The following CFAP47 variants were observed in gnomAD, a reference collection of about 807,000 sequenced individuals.
The protein encoded by CFAP47 is cilia and flagella associated protein 47.
A neutral mutation model predicts 148.1 loss-of-function variants in CFAP47; 29 were observed. That is an observed-to-expected ratio of 0.20 (90% CI 0.15 to 0.27). CFAP47 has a LOEUF of 0.27. Ranked by LOEUF, CFAP47 falls within the 10% of genes least tolerant of loss-of-function variation. The probability of loss-of-function intolerance (pLI) is 1.00; values close to 1 mark genes in which losing one functional copy is unlikely to be tolerated. For synonymous variants in CFAP47, 664 were observed against 577.3 expected, an observed-to-expected ratio of 1.15 and a Z score of -2.15; for missense variants, 1,872 against 1,697.5, an observed-to-expected ratio of 1.10 and a Z score of -1.81.
intron 30 of CFAP47, 90 bp from the exon 31 acceptor site, chrX:36,098,703 G>T: frequency 2.3e-6 from 1 of 429,368 alleles, no homozygotes; most frequent in Non-Finnish European, 3.8e-6. Flanking sequence ...ATACAAATGT[G>T]ACTTGAAATA....
intron 63 of CFAP47, 71 bp from the exon 64 acceptor site, chrX:36,384,726 G>A (rs1942111327): frequency 1.3e-6 from 1 of 771,469 alleles, no homozygotes; most frequent in Non-Finnish European, 1.9e-6. Context: ...GTTAATTATA[G>A]TGAACTTTTC....
intron 25 of CFAP47, among the ~76,000 whole-genome samples, chrX:36,041,088 C>T (rs1396737052): frequency 9.0e-6 from 1 of 110,959 alleles, no homozygotes; most frequent in Admixed American, 9.6e-5. Context: ...CAAATAATAG[C>T]CTCTTAGACT....
intron 57 of CFAP47, among the ~76,000 whole-genome samples, chrX:36,336,236 GACACACAGACAC>G (rs1363487766): frequency 0.014 from 438 of 31,155 alleles, 2 homozygotes; most frequent in Middle Eastern, 0.026. Flanking sequence ...CTCTGTCACA[GACACACAGACAC>G]ACACACACAC....
chrX:36,114,004 G>A (rs989972416), intron 33 of CFAP47, among the ~76,000 whole-genome samples: 5 of 109,595 alleles, frequency 4.6e-5, no homozygotes, highest in African/African-American at 1.7e-4. Flanking sequence ...TAGAGATGGA[G>A]TTTCACCGCA....
chrX:36,190,283 G>A, intron 42 of CFAP47, 87 bp downstream of exon 42: 1 of 292,010 alleles, frequency 3.4e-6, no homozygotes, highest in Non-Finnish European at 6.0e-6. Context: ...GGCAACTGAA[G>A]ACTCTAGAAA....
chrX:36,036,669 T>C (rs763843198), intron 24 of CFAP47, among the ~76,000 whole-genome samples: 13 of 112,037 alleles, frequency 1.2e-4, no homozygotes, highest in Non-Finnish European at 2.4e-4. Context: ...ATTAGACTTA[T>C]AAAATACCCA....
intron 13 of CFAP47, among the ~76,000 whole-genome samples, chrX:35,974,442 T>C (rs759721404): frequency 1.8e-5 from 2 of 111,065 alleles, no homozygotes; most frequent in African/African-American, 3.3e-5. Flanking sequence ...GAGGGAGATG[T>C]GGACAAAGGA....
At chrX:35,978,820 A>T (rs946143809) in intron 15 of CFAP47, among the ~76,000 whole-genome samples, 38 of 111,811 alleles carry the variant, frequency 3.4e-4, no homozygotes, top group African/African-American at 1.2e-3. Flanking sequence ...AATACATTTA[A>T]TCATATGCCT....
intron 21 of CFAP47, among the ~76,000 whole-genome samples, chrX:36,013,607 C>G (rs1017227448): frequency 1.8e-5 from 2 of 110,972 alleles, no homozygotes; most frequent in Non-Finnish European, 3.8e-5. Context: ...GGTACAAAAA[C>G]ATAGTTAAAA....
chrX:36,130,368 A>T (rs1035379133), intron 33 of CFAP47, among the ~76,000 whole-genome samples: 1 of 111,654 alleles, frequency 9.0e-6, no homozygotes, highest in African/African-American at 3.2e-5. Flanking sequence ...TCAAAACTAC[A>T]GTGAGATATC....
intron 48 of CFAP47, among the ~76,000 whole-genome samples, chrX:36,238,105 G>A (rs1355941523): frequency 9.1e-6 from 1 of 110,473 alleles, no homozygotes; most frequent in African/African-American, 3.3e-5. Flanking sequence ...ATATGGTTTG[G>A]TTGTGTCCCC....
At chrX:36,121,056 A>T (rs1384580048) in intron 33 of CFAP47, among the ~76,000 whole-genome samples, 1 of 111,602 alleles carries the variant, frequency 9.0e-6, no homozygotes, top group African/African-American at 3.3e-5. Context: ...TGTTTGGTGC[A>T]TATATACTTA....
intron 45 of CFAP47, among the ~76,000 whole-genome samples, chrX:36,223,121 T>C (rs1385953062): frequency 3.6e-5 from 4 of 111,507 alleles, no homozygotes; most frequent in African/African-American, 1.3e-4. Context: ...TCTTCTGCCA[T>C]GATTGTAAGT....
At chrX:36,245,600 A>T (rs782132858) in intron 48 of CFAP47, among the ~76,000 whole-genome samples, 2 of 111,931 alleles carry the variant, frequency 1.8e-5, no homozygotes, top group East Asian at 5.6e-4. Context: ...AGCCACAAAA[A>T]GTTAAAATAT....
At chrX:36,189,552 G>A (rs1939843819) in intron 41 of CFAP47, among the ~76,000 whole-genome samples, 1 of 111,723 alleles carries the variant, frequency 9.0e-6, no homozygotes, top group South Asian at 3.7e-4. Context: ...AGTCACTAAG[G>A]CTGGCCCACT....
At chrX:36,213,145 CTCTT>C (rs1426192086) in intron 45 of CFAP47, among the ~76,000 whole-genome samples, 1 of 111,316 alleles carries the variant, frequency 9.0e-6, no homozygotes, top group African/African-American at 3.3e-5. Flanking sequence ...GCCTATTTCT[CTCTT>C]TAATTCTGTC....
intron 22 of CFAP47, among the ~76,000 whole-genome samples, chrX:36,016,302 A>G (rs1316867721): frequency 9.1e-6 from 1 of 109,880 alleles, no homozygotes; most frequent in Non-Finnish European, 1.9e-5. Context: ...CCCCTCATCC[A>G]CCTACTACCC....
chrX:36,227,765 G>A (rs1378898382), intron 45 of CFAP47, among the ~76,000 whole-genome samples: 1 of 111,916 alleles, frequency 8.9e-6, no homozygotes, highest in Non-Finnish European at 1.9e-5. Context: ...ATCATTTGTT[G>A]TTTGTTGACT....
intron 19 of CFAP47, among the ~76,000 whole-genome samples, chrX:35,998,562 C>A (rs1936875833): frequency 8.9e-6 from 1 of 111,760 alleles, no homozygotes; most frequent in Admixed American, 9.5e-5. Flanking sequence ...CTAAATTGAG[C>A]AGAAATTGAT....
Sources: gnomAD v4.1 joint callset for allele counts (sites outside exome capture counted in the v4.1 genomes callset) on GRCh38, gnomAD v4.1.1 for gene constraint, MANE v1.5 for transcripts, NCBI Gene and HGNC (gene_info 2026-07-23, HGNC 2026-07-21) for gene names.